Variants in DGLUCY observed in about 807,000 individuals in gnomAD.
The protein encoded by DGLUCY is D-glutamate cyclase, also known as D-glutamate cyclase, mitochondrial.
DGLUCY carries 58 observed loss-of-function variants against 58.5 expected under a neutral mutation model. That is an observed-to-expected ratio of 0.99 (90% CI 0.80 to 1.23). DGLUCY has a LOEUF of 1.23. Ranked by LOEUF, DGLUCY falls within the 50% of genes most tolerant of loss-of-function variation. The pLI, the probability that DGLUCY is intolerant of heterozygous loss-of-function variation, is 0.00. For missense variants in DGLUCY, 779 were observed against 784.7 expected (o/e 0.99, Z 0.09); for synonymous variants, 325 against 314.1 (o/e 1.03, Z -0.37).
chr14:91,184,582 G>GGGT (rs1224815178), intron 8 of DGLUCY, among the ~76,000 whole-genome samples: 6 of 116,732 alleles, frequency 5.1e-5, no homozygotes, highest in African/African-American at 1.9e-4. Flanking sequence ...AAAGTTGGGG[G>GGGT]GGGGGAGGGA....
chr14:91,082,033 A>G (rs1040715584), intron 1 of DGLUCY, among the ~76,000 whole-genome samples: 12 of 152,196 alleles, frequency 7.9e-5, no homozygotes, highest in African/African-American at 2.7e-4. Flanking sequence ...AGCCACCTCA[A>G]GGTCCTCAAT....
intron 1 of DGLUCY, among the ~76,000 whole-genome samples, chr14:91,071,857 A>T (rs1010331136): frequency 6.7e-6 from 1 of 149,210 alleles, no homozygotes; most frequent in Non-Finnish European, 1.5e-5. Flanking sequence ...ACAGAGTGAG[A>T]CTCCATCTCA....
Position 91,155,364 on chromosome 14 carries a change from T to C in DGLUCY, c.-81-2275T>C, listed in dbSNP as rs560596206. On this transcript the variant is annotated intron_variant, in intron 1 of 13. Coordinates refer to ENST00000256324, the MANE Select transcript of DGLUCY (RefSeq NM_001102368.3). ...AGAGCCTTACATGAGTTTACAACTT[T>C]AACCCTTACCACCACTCAGTGAGGT... Among the ~76,000 whole-genome samples the C allele has an allele frequency of 1.6e-4, 25 of 152,334 alleles. 1 individual carries two copies. The highest frequency in any genetic ancestry group is 1.3e-3 in the Admixed American group (20 of 15,290).
intron 4 of DGLUCY, among the ~76,000 whole-genome samples, chr14:91,169,142 T>C (rs560798463): frequency 1.3e-5 from 2 of 151,392 alleles, no homozygotes; most frequent in South Asian, 4.2e-4. Flanking sequence ...ACTGGGACAG[T>C]GTCCTCTCCA....
chr14:91,117,316 G>T (rs2045029081), intron 1 of DGLUCY, among the ~76,000 whole-genome samples: 1 of 152,154 alleles, frequency 6.6e-6, no homozygotes, highest in Admixed American at 6.5e-5. Flanking sequence ...TTTGTGACCT[G>T]TATCTTGTGC....
chr14:91,061,783 G>A (rs1221912965), intron 1 of DGLUCY, among the ~76,000 whole-genome samples: 1 of 152,230 alleles, frequency 6.6e-6, no homozygotes, highest in Non-Finnish European at 1.5e-5. Context: ...AGATAATGGG[G>A]AACTAGGGAT....
chr14:91,066,983 A>C (rs1363756259), intron 1 of DGLUCY, among the ~76,000 whole-genome samples: 1 of 151,250 alleles, frequency 6.6e-6, no homozygotes, highest in Non-Finnish European at 1.5e-5. Context: ...TGGGAGGCTG[A>C]GACAGCAGAA....
chr14:91,119,700 G>A (rs1463630288), intron 1 of DGLUCY, among the ~76,000 whole-genome samples: 1 of 152,144 alleles, frequency 6.6e-6, no homozygotes, highest in Non-Finnish European at 1.5e-5. Flanking sequence ...TCCTGTGAGG[G>A]TGTTGCCAAA....
At chr14:91,102,736 AGTGTGTATGTGTGTGT>A (rs1477120684) in intron 1 of DGLUCY, among the ~76,000 whole-genome samples, 2 of 60,736 alleles carry the variant, frequency 3.3e-5, no homozygotes, top group South Asian at 6.1e-4. Flanking sequence ...GACCCCTTCC[AGTGTGTATGTGTGTGT>A]GTGTGTGTGT....
intron 1 of DGLUCY, among the ~76,000 whole-genome samples, chr14:91,092,024 A>G (rs550454676): frequency 2.9e-3 from 437 of 152,206 alleles, no homozygotes; most frequent in South Asian, 4.2e-3. Flanking sequence ...GCCAATATCT[A>G]TACTCTAAGA....
chr14:91,074,163 T>TCACACACACACACACACA (rs2043975886), intron 1 of DGLUCY, among the ~76,000 whole-genome samples: 1 of 55,578 alleles, frequency 1.8e-5, no homozygotes, highest in Admixed American at 1.7e-4. Flanking sequence ...ACACACACAG[T>TCACACACACACACACACA]CAAGCACCTG....
chr14:91,136,704 C>T (rs188238767), intron 1 of DGLUCY, among the ~76,000 whole-genome samples: 24 of 151,610 alleles, frequency 1.6e-4, no homozygotes, highest in Admixed American at 1.2e-3. Flanking sequence ...CACGGTGGCT[C>T]GCGCCTGTAA....
At chr14:91,139,517 T>G (rs1262872550) in intron 1 of DGLUCY, among the ~76,000 whole-genome samples, 1 of 152,150 alleles carries the variant, frequency 6.6e-6, no homozygotes, top group Non-Finnish European at 1.5e-5. Flanking sequence ...AAACCCCGTC[T>G]CTACTAAAAA....
intron 9 of DGLUCY, among the ~76,000 whole-genome samples, 168 bp downstream of exon 9, chr14:91,189,338 T>G (rs553025714): frequency 3.9e-5 from 6 of 152,294 alleles, no homozygotes; most frequent in African/African-American, 1.2e-4. Flanking sequence ...CTCTGAGAGA[T>G]CCAGGGGATT....
In DGLUCY at chr14:91,180,528, T is replaced by A. The variant is rs559254925; in HGVS notation, c.731-658T>A. Among the ~76,000 whole-genome samples, 11 of 140,678 alleles carry A rather than the reference T, an allele frequency of 7.8e-5. No individual in the cohort carries two copies. The South Asian group carries it at 2.2e-3, about 28-fold the overall frequency. 92.3% of individuals were successfully genotyped at this position (140,678 alleles called of 152,430 possible). A position where few individuals can be genotyped will look rare whatever the true frequency, so the allele number is the denominator to read the frequency against. On this transcript the variant is annotated intron_variant, in intron 7 of 13. Coordinates refer to ENST00000256324, the MANE Select transcript of DGLUCY (RefSeq NM_001102368.3). ...CAGAGGTTGCAGTGAGCCAAGATCA[T>A]ACCACTGCACTCCAGCCTGGGTGAC... is the stretch of plus-strand genomic sequence containing the variant.
At chr14:91,160,164 A>C in intron 2 of DGLUCY, 102 bp from the exon 3 acceptor site, 1 of 764,668 alleles carries the variant, frequency 1.3e-6, no homozygotes, top group African/African-American at 1.7e-5. Flanking sequence ...AGGGCCAGGA[A>C]AGGGTAGGAT....
chr14:91,190,976 G>C (rs747366959), intron 9 of DGLUCY, among the ~76,000 whole-genome samples: 13 of 152,172 alleles, frequency 8.5e-5, no homozygotes, highest in Non-Finnish European at 1.9e-4. Context: ...CATCCCTTCA[G>C]CCGCACTTCT....
intron 1 of DGLUCY, among the ~76,000 whole-genome samples, chr14:91,156,511 G>A (rs2047630218): frequency 6.6e-6 from 1 of 152,190 alleles, no homozygotes; most frequent in South Asian, 2.1e-4. Flanking sequence ...GATTGCTTGG[G>A]TAAACAGAGA....
intron 1 of DGLUCY, among the ~76,000 whole-genome samples, chr14:91,145,812 G>GGTCACAGCAAGGGGCTT (rs1445847199): frequency 5.9e-5 from 9 of 152,160 alleles, no homozygotes; most frequent in Non-Finnish European, 1.2e-4. Flanking sequence ...TGGAGGCCGA[G>GGTCACAGCAAGGGGCTT]GTCACAGCAA....
Sources: allele counts gnomAD v4.1 joint callset (sites outside exome capture counted in the v4.1 genomes callset), GRCh38; gene constraint gnomAD v4.1.1; transcripts MANE v1.5; gene names NCBI Gene and HGNC (gene_info 2026-07-23, HGNC 2026-07-21).